Variants in EPS8 observed in about 807,000 individuals in gnomAD.
EPS8 encodes the protein epidermal growth factor receptor kinase substrate 8.
A neutral mutation model predicts 103.8 loss-of-function variants in EPS8; 42 were observed. That is an observed-to-expected ratio of 0.40 (90% CI 0.32 to 0.52). The LOEUF (loss-of-function observed/expected upper bound fraction) is 0.52, where lower values mean the gene tolerates loss of function less well. Among genes scored for constraint, EPS8 ranks in the 20% least tolerant of loss-of-function variants. The pLI, the probability that EPS8 is intolerant of heterozygous loss-of-function variation, is 0.40. For missense variants in EPS8, 969 were observed against 1,005.1 expected (o/e 0.96, Z 0.49); for synonymous variants, 344 against 344.6 (o/e 1.00, Z 0.02).
intron 12 of EPS8, among the ~76,000 whole-genome samples, chr12:15,657,454 C>T (rs1454460331): frequency 6.6e-6 from 1 of 152,184 alleles, no homozygotes; most frequent in Admixed American, 6.6e-5. Context: ...GATTTTTAGA[C>T]TACTGTATTA....
Position 15,723,641 on chromosome 12 carries a change from G to A in EPS8, c.-21-40669C>T, listed in dbSNP as rs895383789. Among the ~76,000 whole-genome samples, 3 of 152,062 alleles carry A rather than the reference G, an allele frequency of 2.0e-5. No individual in the cohort carries two copies. The East Asian group carries it at 5.8e-4, about 29-fold the overall frequency. Reference sequence around the variant, plus strand: ...ATTCTATATCTACACTTCAAAAAAGGTTATAGATTATGTCTTTCTGTATTC... The same window carrying A: ...ATTCTATATCTACACTTCAAAAAAGATTATAGATTATGTCTTTCTGTATTC... On this transcript the variant is annotated intron_variant, in intron 1 of 20. Transcript: ENST00000281172.
intron 1 of EPS8, among the ~76,000 whole-genome samples, chr12:15,768,173 CTCACGTTTGTAA>C (rs113433712): frequency 3.9e-5 from 6 of 152,134 alleles, no homozygotes; most frequent in African/African-American, 1.4e-4. Flanking sequence ...GGCACGGTGG[CTCACGTTTGTAA>C]TCCCAGCACT....
intron 1 of EPS8, among the ~76,000 whole-genome samples, chr12:15,686,069 T>A (rs1946090977): frequency 6.6e-6 from 1 of 151,838 alleles, no homozygotes; most frequent in Admixed American, 6.6e-5. Flanking sequence ...AACTGCAGAG[T>A]CCACTTACAA....
Position 15,771,861 on chromosome 12 carries a change from A to C in EPS8, c.-22+17300T>G, listed in dbSNP as rs1270606783. ...AGGGGAAGGCCGGGGGCGGTGGCTC[A>C]TGCCTGTAATCACAGCACTTTGGGA... On this transcript the variant is annotated intron_variant, in intron 1 of 20. Transcript: ENST00000281172. The surrounding 1 kb of genome is among the most constrained non-coding windows in gnomAD (Gnocchi z 4.6). Among the ~76,000 whole-genome samples the C allele has an allele frequency of 5.3e-5, 8 of 152,194 alleles. No individual in the cohort carries two copies. Among genetic ancestry groups the C allele is most frequent in the Non-Finnish European group, 1.0e-4 (7 of 68,032 alleles).
rs901700761 is a variant in EPS8 at position 15,698,050 on chromosome 12, C to T, written c.-21-15078G>A. Among the ~76,000 whole-genome samples, 2 of 152,090 alleles carry T rather than the reference C, an allele frequency of 1.3e-5. No individual in the cohort carries two copies. The highest frequency in any genetic ancestry group is 4.8e-5 in the African/African-American group (2 of 41,424). On this transcript the variant is annotated intron_variant, in intron 1 of 20. Transcript: ENST00000281172. The surrounding 1 kb of genome is among the most constrained non-coding windows in gnomAD (Gnocchi z 4.9). ...AAAACTAGAATTGACACTCTTATAT[C>T]CAACTTTGAGGCAACATATGTTTTA...
In EPS8 at chr12:15,767,244, T is replaced by A. The variant is rs1947107832; in HGVS notation, c.-22+21917A>T. 6.6e-6 allele frequency among the ~76,000 whole-genome samples: 1 copy of A among 152,220 alleles called. No homozygotes were observed. Among genetic ancestry groups the A allele is most frequent in the African/African-American group, 2.4e-5 (1 of 41,450 alleles). On this transcript the variant is annotated intron_variant, in intron 1 of 20. Coordinates refer to ENST00000281172, the MANE Select transcript of EPS8 (RefSeq NM_004447.6). The surrounding 1 kb of genome is among the most constrained non-coding windows in gnomAD (Gnocchi z 5.5). ...AATAAGAAGTTTACAAATTGGAAGG[T>A]AAATTAAATATGGACAGAACAACAG...
intron 18 of EPS8, among the ~76,000 whole-genome samples, chr12:15,627,102 C>G (rs1039633000): frequency 6.6e-6 from 1 of 152,052 alleles, no homozygotes; most frequent in African/African-American, 2.4e-5. Context: ...TGGGTTCAAG[C>G]GATTCTCCTG....
At chr12:15,746,337 T>C (rs1946874813) in intron 1 of EPS8, among the ~76,000 whole-genome samples, 1 of 152,090 alleles carries the variant, frequency 6.6e-6, no homozygotes, top group Non-Finnish European at 1.5e-5. Flanking sequence ...TGATTTCTAA[T>C]TTGTTCAAAA....
At chr12:15,669,051 T>A (rs1206915201) in intron 6 of EPS8, among the ~76,000 whole-genome samples, 1 of 152,114 alleles carries the variant, frequency 6.6e-6, no homozygotes, top group African/African-American at 2.4e-5. Context: ...CAACCACATC[T>A]AGCTAATTTT....
At position 15,787,558 on chromosome 12, in the gene EPS8, A is replaced by G. The variant is rs930484417; in HGVS notation, c.-22+1603T>C. On this transcript the variant is annotated intron_variant, in intron 1 of 20. Coordinates refer to ENST00000281172, the MANE Select transcript of EPS8 (RefSeq NM_004447.6). This position sits in a 1 kb window ranked among gnomAD's most constrained non-coding sequence, Gnocchi z 4.9. ...AAATTACTATATAATATTCAATGACATTGGGAAGTGAAAAAAATTACAAAG... is the reference window on the plus strand; with the variant it reads ...AAATTACTATATAATATTCAATGACGTTGGGAAGTGAAAAAAATTACAAAG... Among the ~76,000 whole-genome samples the G allele has an allele frequency of 1.3e-5, 2 of 152,182 alleles. No individual in the cohort carries two copies. Among genetic ancestry groups the G allele is most frequent in the African/African-American group, 2.4e-5 (1 of 41,452 alleles).
At chr12:15,672,210 A>T (rs1945829230) in intron 3 of EPS8, among the ~76,000 whole-genome samples, 1 of 152,186 alleles carries the variant, frequency 6.6e-6, no homozygotes, top group Non-Finnish European at 1.5e-5. Context: ...AAGTACAAAA[A>T]TATAAAGTGC....
chr12:15,742,390 T>C (rs1946834087), intron 1 of EPS8, among the ~76,000 whole-genome samples: 1 of 152,244 alleles, frequency 6.6e-6, no homozygotes, highest in Admixed American at 6.5e-5. Flanking sequence ...TTCCTGACTT[T>C]TTAATGATTG....
intron 13 of EPS8, among the ~76,000 whole-genome samples, chr12:15,651,513 C>T (rs1159734347): frequency 6.6e-6 from 1 of 152,086 alleles, no homozygotes; most frequent in African/African-American, 2.4e-5. Flanking sequence ...TTATGAAGTC[C>T]CCTAAACTGA....
chr12:15,709,298 C>T (rs1055343609), intron 1 of EPS8, among the ~76,000 whole-genome samples: 1 of 151,796 alleles, frequency 6.6e-6, no homozygotes, highest in African/African-American at 2.4e-5. Flanking sequence ...AGATGGAACA[C>T]AAAACACTGG....
intron 1 of EPS8, among the ~76,000 whole-genome samples, chr12:15,742,319 C>T (rs925010844): frequency 7.9e-5 from 12 of 152,198 alleles, no homozygotes; most frequent in African/African-American, 1.2e-4. Context: ...AACTAGTTTA[C>T]GGTCCCACCA....
At chr12:15,632,292 C>T (rs1349941095) in intron 17 of EPS8, among the ~76,000 whole-genome samples, 2 of 151,944 alleles carry the variant, frequency 1.3e-5, no homozygotes, top group South Asian at 2.1e-4. Flanking sequence ...AACTTACAAA[C>T]GAATACTAGA....
In EPS8 at chr12:15,752,647, TGG is replaced by T. The variant is rs1565530499; in HGVS notation, c.-22+36512_-22+36513del. Among the ~76,000 whole-genome samples the T allele has an allele frequency of 5.9e-5, 9 of 151,936 alleles. No individual in the cohort carries two copies. The highest frequency in any genetic ancestry group is 2.0e-4 in the Admixed American group (3 of 15,258). On this transcript the variant is annotated intron_variant, in intron 1 of 20. Coordinates refer to ENST00000281172, the MANE Select transcript of EPS8 (RefSeq NM_004447.6). This position sits in a 1 kb window ranked among gnomAD's most constrained non-coding sequence, Gnocchi z 4.4. The stretch of plus-strand genomic sequence containing the variant: ...AAGTCTTTATAATTGTAATAACCAA[TGG>T]GTATGATTTCCCTTCTCCTGCTCAG...
rs71042267 is a variant in EPS8, at chr12:15,681,728, C to CAAA, written c.60-429_60-427dup. 3.7e-3 allele frequency among the ~76,000 whole-genome samples: 145 copies of CAAA among 39,174 alleles called. 9 individuals carry two copies. Among genetic ancestry groups the CAAA allele is most frequent in the Middle Eastern group, 0.014 (1 of 70 alleles). 25.7% of individuals were successfully genotyped at this position (39,174 alleles called of 152,430 possible). On this transcript the variant is annotated intron_variant, in intron 2 of 20. Transcript: ENST00000281172. ...CTGGTGACAGAGCGAGACTCTGTCT[C>CAAA]AAAAAAAAAAAAAAAAAAAAAAAAA...
intron 12 of EPS8, among the ~76,000 whole-genome samples, chr12:15,656,079 T>C (rs1945503716): frequency 6.6e-6 from 1 of 152,222 alleles, no homozygotes; most frequent in Admixed American, 6.5e-5. Flanking sequence ...TTTGTATATG[T>C]CAGGGAAACC....
Sources: gnomAD v4.1 joint callset for allele counts (sites outside exome capture counted in the v4.1 genomes callset) on GRCh38, gnomAD v4.1.1 for gene constraint, Gnocchi (gnomAD v3.1) non-coding constraint, MANE v1.5 for transcripts, NCBI Gene and HGNC (gene_info 2026-07-23, HGNC 2026-07-21) for gene names.